Variants in GSPT1 observed in about 807,000 individuals in gnomAD.
GSPT1 encodes the protein eukaryotic peptide chain release factor GTP-binding subunit ERF3A.
A neutral mutation model predicts 72.5 loss-of-function variants in GSPT1; 20 were observed. The observed-to-expected ratio is 0.28, with a 90% confidence interval of 0.19 to 0.40. GSPT1 has a LOEUF of 0.40. Ranked by LOEUF, GSPT1 falls within the 10% of genes least tolerant of loss-of-function variation. GSPT1 has a pLI of 1.00. For missense variants in GSPT1, 580 were observed against 811.9 expected, an observed-to-expected ratio of 0.71 and a Z score of 3.47; for synonymous variants, 334 against 293.5, an observed-to-expected ratio of 1.14 and a Z score of -1.41.
At chr16:11,910,544 C>T (rs1414926583) in intron 1 of GSPT1, among the ~76,000 whole-genome samples, 1 of 152,184 alleles carries the variant, frequency 6.6e-6, no homozygotes, top group East Asian at 1.9e-4. Context: ...AAATTCCATT[C>T]CAATACTGCT....
rs1462808644 is a variant in GSPT1, at chr16:11,869,573, A to C, written c.*3546T>G. On this transcript the variant is annotated 3_prime_UTR_variant, in exon 15 of 15. Transcript: ENST00000434724. ...ATAGTGCTATAACCACATTTTTCAC[A>C]AAGGGTTTTAAAGTTGAAAGTTGCC... 1 of 152,222 alleles carries C rather than the reference A, an allele frequency of 6.6e-6. No homozygotes were observed. The highest frequency in any genetic ancestry group is 1.9e-4 in the East Asian group (1 of 5,198). 9.4% of individuals were successfully genotyped at this position (152,222 alleles called of 1,614,324 possible).
intron 1 of GSPT1, among the ~76,000 whole-genome samples, chr16:11,904,831 A>G (rs932148812): frequency 6.6e-6 from 1 of 152,146 alleles, no homozygotes; most frequent in Non-Finnish European, 1.5e-5. Flanking sequence ...CATGCCTGTA[A>G]AACCAACACT....
At chr16:11,891,737 A>G (rs1475230965) in intron 5 of GSPT1, among the ~76,000 whole-genome samples, 1 of 144,454 alleles carries the variant, frequency 6.9e-6, no homozygotes, top group Non-Finnish European at 1.5e-5. Context: ...ATCTCAGCTC[A>G]CTGCAACTTC....
upstream of GSPT1, chr16:11,915,970 C>T (rs1419365743): frequency 4.2e-6 from 3 of 721,922 alleles, no homozygotes; most frequent in African/African-American, 5.2e-5. Flanking sequence ...TCTCCTCCCA[C>T]CCAACCACCT....
intron 14 of GSPT1, 32 bp from the exon 15 acceptor site, chr16:11,873,203 T>C (rs750724066): frequency 1.8e-6 from 2 of 1,090,308 alleles, no homozygotes; most frequent in Non-Finnish European, 2.8e-6. Flanking sequence ...AATCTTTCAG[T>C]AGTTAACAGC....
intron 8 of GSPT1, 76 bp downstream of exon 8, chr16:11,886,701 C>G: frequency 6.4e-7 from 1 of 1,552,648 alleles, no homozygotes; most frequent in East Asian, 2.2e-5. Flanking sequence ...TTTAGAAAAA[C>G]CCTAGAGAAA....
In GSPT1 at chr16:11,915,648, CGCTGCTGCT is replaced by C. The variant is rs1243988404; in HGVS notation, c.64_72del (p.Ser22_Ser24del). On this transcript the variant is annotated inframe_deletion, in exon 1 of 15. Transcript: ENST00000434724. ...TGGTCCCAGCAGTCAGGCGCCGAGT[CGCTGCTGCT>C]GCTGCCGCTGCTGCTCCCGCCGCCG... is the stretch of plus-strand genomic sequence containing the variant. The C allele has an allele frequency of 3.4e-6, 5 of 1,483,148 alleles. No homozygotes were observed. The highest frequency in any genetic ancestry group is 2.5e-5 in the South Asian group (2 of 78,776). The allele number at this position is 1,483,148 out of a possible 1,614,324, so 91.9% of individuals were successfully genotyped here. A position where few individuals can be genotyped will look rare whatever the true frequency, so the allele number is the denominator to read the frequency against.
intron 5 of GSPT1, among the ~76,000 whole-genome samples, chr16:11,892,531 A>AAAAAAAAAAAAAAAT (rs1567443313): frequency 7.1e-6 from 1 of 139,864 alleles, no homozygotes; most frequent in African/African-American, 2.8e-5. Context: ...AACAAAAAAA[A>AAAAAAAAAAAAAAAT]CAAAAAATAA....
chr16:11,907,312 C>T (rs1250346135), intron 1 of GSPT1, among the ~76,000 whole-genome samples: 1 of 152,112 alleles, frequency 6.6e-6, no homozygotes, highest in Non-Finnish European at 1.5e-5. Context: ...TTGAAATGAC[C>T]TCGATTCCAA....
chr16:11,888,536 C>T (rs201835829), intron 6 of GSPT1, among the ~76,000 whole-genome samples: 83 of 151,226 alleles, frequency 5.5e-4, no homozygotes, highest in African/African-American at 1.7e-3. Flanking sequence ...CCAAGGCAGG[C>T]GGATCACCTG....
intron 11 of GSPT1, chr16:11,880,322 T>A (rs1382038164): frequency 6.6e-6 from 1 of 152,326 alleles, no homozygotes; most frequent in South Asian, 2.1e-4. Flanking sequence ...TGAGACTCTT[T>A]TGGGTATATA....
At position 11,915,401 on chromosome 16, in the gene GSPT1, T is replaced by C. The variant is rs1189564342; in HGVS notation, c.320A>G (p.His107Arg). Reference protein sequence around the residue: ...PPPVGGAANNHGAGSGAGGRA... With the variant: ...PPPVGGAANNRGAGSGAGGRA... ...GCCTCCCGCGCCGCTGCCGGCTCCG[T>C]GGTTATTGGCGGCGCCGCCAACTGG... The change falls in exon 1 of 15, where the codon CAC (histidine) becomes CGC (arginine). Residue 107 changes from histidine to arginine, a missense_variant. Around this residue, in one of 6 missense-constraint regions of GSPT1, gnomAD observed 327 missense variants for 298.8 expected, o/e 1.09. Coordinates refer to ENST00000434724, the MANE Select transcript of GSPT1 (RefSeq NM_002094.4). 7 of 1,508,706 alleles carry C rather than the reference T, an allele frequency of 4.6e-6. No homozygotes were observed. Among genetic ancestry groups the C allele is most frequent in the Non-Finnish European group, 8.8e-7 (1 of 1,132,904 alleles). 93.5% of individuals were successfully genotyped at this position (1,508,706 alleles called of 1,614,324 possible).
At chr16:11,903,541 G>T (rs1217998542) in intron 1 of GSPT1, among the ~76,000 whole-genome samples, 2 of 151,962 alleles carry the variant, frequency 1.3e-5, no homozygotes, top group Non-Finnish European at 2.9e-5. Flanking sequence ...ATAAAAATTA[G>T]CTGGGTGTGG....
rs1362093538 is a variant in GSPT1, at chr16:11,908,556, C to A, written c.352+6813G>T. On this transcript the variant is annotated intron_variant, in intron 1 of 14. Transcript: ENST00000434724. ...CGGGCGGATCACGAGGTCAGGAGATCGAGACCATCCCGGCTAAAACGGTGA... is the reference window on the plus strand; with the variant it reads ...CGGGCGGATCACGAGGTCAGGAGATAGAGACCATCCCGGCTAAAACGGTGA... 2 of 107,310 alleles carry A rather than the reference C, an allele frequency of 1.9e-5. 1 individual carries two copies. Among genetic ancestry groups the A allele is most frequent in the Non-Finnish European group, 3.5e-5 (2 of 56,932 alleles). 6.6% of individuals were successfully genotyped at this position (107,310 alleles called of 1,614,324 possible).
At chr16:11,896,282 G>A (rs2054337433) in intron 4 of GSPT1, among the ~76,000 whole-genome samples, 1 of 152,132 alleles carries the variant, frequency 6.6e-6, no homozygotes, top group Admixed American at 6.6e-5. Context: ...ATACTATGCT[G>A]AACTACCATC....
At chr16:11,903,136 C>T (rs894954734) in intron 1 of GSPT1, among the ~76,000 whole-genome samples, 5 of 152,250 alleles carry the variant, frequency 3.3e-5, no homozygotes, top group South Asian at 2.1e-4. Context: ...GTGGATTTAC[C>T]TCTTCTGAAT....
chr16:11,902,907 G>A (rs959269611), intron 1 of GSPT1, among the ~76,000 whole-genome samples: 4 of 151,678 alleles, frequency 2.6e-5, no homozygotes, highest in Non-Finnish European at 5.9e-5. Context: ...TATAGAGATG[G>A]TGTTTCAATA....
rs2053990666 is a variant in GSPT1 at position 11,872,554 on chromosome 16, A to G, written c.*565T>C. 2.6e-5 allele frequency: 4 copies of G among 152,246 alleles called. No individual in the cohort carries two copies. Among genetic ancestry groups the G allele is most frequent in the African/African-American group, 4.8e-5 (2 of 41,462 alleles). The allele number at this position is 152,246 out of a possible 1,614,324, so 9.4% of individuals were successfully genotyped here. On this transcript the variant is annotated 3_prime_UTR_variant, in exon 15 of 15. Coordinates refer to ENST00000434724, the MANE Select transcript of GSPT1 (RefSeq NM_002094.4). ...ATGTCTCATTTATAGTGGGTAGGGA[A>G]AGAGTTTATAAAAGTCCAAGTAATA...
At chr16:11,901,620 A>AATATATATATAT (rs113206101) in intron 1 of GSPT1, among the ~76,000 whole-genome samples, 3 of 147,230 alleles carry the variant, frequency 2.0e-5, no homozygotes, top group African/African-American at 5.0e-5. Context: ...CACACACAAA[A>AATATATATATAT]ATATATATAT....
Sources: gnomAD v4.1 joint callset for allele counts (sites outside exome capture counted in the v4.1 genomes callset) on GRCh38, gnomAD v4.1.1 for gene constraint, gnomAD v4.1.1 regional missense constraint, MANE v1.5 for transcripts, NCBI Gene and HGNC (gene_info 2026-07-23, HGNC 2026-07-21) for gene names.